DGKB: variants seen among roughly 807,000 people sequenced by gnomAD.
DGKB encodes the protein diacylglycerol kinase beta.
Under a neutral mutation model 114.3 loss-of-function variants are expected in DGKB, and 67 were observed. The observed-to-expected ratio is 0.59, with a 90% CI of 0.48 to 0.72. The LOEUF (loss-of-function observed/expected upper bound fraction) is 0.72, where lower values mean the gene tolerates loss of function less well. DGKB is among the 30% of genes least tolerant of loss of function. The pLI is 0.00. For synonymous variants in DGKB, 398 were observed against 323.1 expected (o/e 1.23, Z -2.49); for missense variants, 907 against 975.2 (o/e 0.93, Z 0.93).
Position 14,841,407 on chromosome 7 carries a change from G to T in DGKB, c.-144C>A. On this transcript the variant is annotated 5_prime_UTR_variant, in exon 2 of 26. Coordinates refer to ENST00000402815, the MANE Select transcript of DGKB (RefSeq NM_001350709.2). Reference sequence around the variant, plus strand: ...TTCAAAATATGCAATCTGTCCACATGAAACTGCTTTGGATGCTTGTAATTT... The same window carrying T: ...TTCAAAATATGCAATCTGTCCACATTAAACTGCTTTGGATGCTTGTAATTT... 1.7e-6 allele frequency: 1 copy of T among 577,448 alleles called. No individual in the cohort carries two copies. Among genetic ancestry groups the T allele is most frequent in the Non-Finnish European group, 3.0e-6 (1 of 337,184 alleles). The allele number at this position is 577,448 out of a possible 1,614,324, so 35.8% of individuals were successfully genotyped here.
At chr7:14,488,280 G>A (rs7782300) in intron 20 of DGKB, among the ~76,000 whole-genome samples, 3,238 of 152,082 alleles carry the variant, frequency 0.021, 136 homozygotes, top group East Asian at 0.1. Flanking sequence ...TCTTTCCTGC[G>A]TACAATATGT....
intron 1 of DGKB, among the ~76,000 whole-genome samples, chr7:14,940,843 A>G (rs1785533242): frequency 6.6e-6 from 1 of 151,804 alleles, no homozygotes; most frequent in Admixed American, 6.6e-5. Context: ...ACTTTATTTC[A>G]GTTTAGATAC....
intron 17 of DGKB, among the ~76,000 whole-genome samples, chr7:14,601,190 T>A (rs1803484141): frequency 6.6e-6 from 1 of 152,172 alleles, no homozygotes; most frequent in Non-Finnish European, 1.5e-5. Flanking sequence ...TGAGGCTCAC[T>A]GGAGCCACAG....
chr7:14,446,007 T>C (rs975500522), intron 21 of DGKB, among the ~76,000 whole-genome samples: 3 of 152,134 alleles, frequency 2.0e-5, no homozygotes, highest in African/African-American at 7.2e-5. Context: ...CTATAATTTA[T>C]AACATAAGGA....
chr7:14,471,755 T>G (rs1365981904), intron 21 of DGKB, among the ~76,000 whole-genome samples: 1 of 152,036 alleles, frequency 6.6e-6, no homozygotes, highest in Non-Finnish European at 1.5e-5. Flanking sequence ...TATAAAAGCA[T>G]AAACTATAAA....
chr7:14,511,099 C>G (rs2128542447), intron 20 of DGKB, among the ~76,000 whole-genome samples: 1 of 152,274 alleles, frequency 6.6e-6, no homozygotes, highest in East Asian at 1.9e-4. Context: ...CTGGCTTCAT[C>G]TTAAAGTCAC....
chr7:14,586,057 T>C (rs1414229586), intron 17 of DGKB, among the ~76,000 whole-genome samples: 1 of 151,652 alleles, frequency 6.6e-6, no homozygotes, highest in Non-Finnish European at 1.5e-5. Flanking sequence ...AAAGGAAGAG[T>C]TGCATTTCTC....
chr7:14,243,704 A>G (rs1298231084), intron 23 of DGKB, among the ~76,000 whole-genome samples: 1 of 152,148 alleles, frequency 6.6e-6, no homozygotes, highest in Non-Finnish European at 1.5e-5. Flanking sequence ...TCCTCTTAAT[A>G]TTACCTCTAT....
intron 1 of DGKB, among the ~76,000 whole-genome samples, chr7:14,888,968 A>C (rs749302397): frequency 1.3e-5 from 2 of 151,610 alleles, no homozygotes; most frequent in Admixed American, 6.6e-5. Context: ...TGGGTAAAAG[A>C]GTAACACCAT....
rs1789829602 is a variant in DGKB at position 14,220,906 on chromosome 7, AT to A, written c.2123-42756del. Among the ~76,000 whole-genome samples, 4 of 151,214 alleles carry A rather than the reference AT, an allele frequency of 2.6e-5. No individual in the cohort carries two copies. The South Asian group carries it at 8.3e-4, about 31-fold the overall frequency. ...GTTTTGAATTTCATTTGCTAAATTT[AT>A]TTTTAGCATTTTATTCTTTTCTGAG... On this transcript the variant is annotated intron_variant, in intron 23 of 25. Coordinates refer to ENST00000402815, the MANE Select transcript of DGKB (RefSeq NM_001350709.2).
At chr7:14,684,709 T>C (rs1412892635) in intron 10 of DGKB, among the ~76,000 whole-genome samples, 2 of 152,170 alleles carry the variant, frequency 1.3e-5, no homozygotes, top group Non-Finnish European at 2.9e-5. Context: ...CTATTAACCA[T>C]ATATGAAGAT....
At chr7:14,519,926 G>T (rs1245633063) in intron 20 of DGKB, among the ~76,000 whole-genome samples, 2 of 151,852 alleles carry the variant, frequency 1.3e-5, no homozygotes, top group East Asian at 3.9e-4. Flanking sequence ...ATTGGAGAGA[G>T]ATATTTATAT....
chr7:14,712,646 G>A (rs1293145434), intron 6 of DGKB, among the ~76,000 whole-genome samples: 2 of 151,866 alleles, frequency 1.3e-5, no homozygotes, highest in Non-Finnish European at 2.9e-5. Flanking sequence ...ACTCCAGCCT[G>A]GGAAACAGAG....
At chr7:14,460,500 G>A (rs1832923990) in intron 21 of DGKB, among the ~76,000 whole-genome samples, 1 of 151,434 alleles carries the variant, frequency 6.6e-6, no homozygotes, top group African/African-American at 2.4e-5. Context: ...GATAAAAAAA[G>A]ACAAAGAAGG....
chr7:14,600,153 T>C (rs530995364), intron 17 of DGKB, among the ~76,000 whole-genome samples: 1 of 152,236 alleles, frequency 6.6e-6, no homozygotes, highest in African/African-American at 2.4e-5. Context: ...CATCCACTCA[T>C]GGCAGAGGGA....
At chr7:14,684,782 G>A (rs1188302398) in intron 10 of DGKB, among the ~76,000 whole-genome samples, 1 of 151,900 alleles carries the variant, frequency 6.6e-6, no homozygotes, top group Non-Finnish European at 1.5e-5. Flanking sequence ...TATATCTTGC[G>A]ATTTCCTAAT....
At chr7:14,481,010 T>C (rs183716190) in intron 20 of DGKB, among the ~76,000 whole-genome samples, 1 of 150,782 alleles carries the variant, frequency 6.6e-6, no homozygotes, top group Admixed American at 6.6e-5. Context: ...TAGCTTTATT[T>C]TTAATTAATT....
intron 7 of DGKB, among the ~76,000 whole-genome samples, chr7:14,699,636 A>AG (rs1336994631): frequency 7.2e-5 from 11 of 152,186 alleles, no homozygotes; most frequent in Non-Finnish European, 1.6e-4. Flanking sequence ...TGCCTCCAGT[A>AG]GGTGAACTGC....
intron 23 of DGKB, among the ~76,000 whole-genome samples, chr7:14,203,133 C>T (rs1304376609): frequency 2.0e-5 from 2 of 102,514 alleles, no homozygotes; most frequent in Non-Finnish European, 3.6e-5. Context: ...ATCTCTACTT[C>T]GGGGCCAGTA....
Sources: gnomAD v4.1 joint callset for allele counts (sites outside exome capture counted in the v4.1 genomes callset) on GRCh38, gnomAD v4.1.1 for gene constraint, MANE v1.5 for transcripts, NCBI Gene and HGNC (gene_info 2026-07-23, HGNC 2026-07-21) for gene names.